UNC13C: variants seen among roughly 807,000 people sequenced by gnomAD.
The protein encoded by UNC13C is unc-13 homolog C.
In UNC13C, 174 loss-of-function variants were observed where a neutral mutation model predicts 245.4. The observed-to-expected ratio is 0.71, with a 90% confidence interval of 0.63 to 0.80. The LOEUF (loss-of-function observed/expected upper bound fraction) is 0.80, where lower values mean the gene tolerates loss of function less well. UNC13C is among the 30% of genes least tolerant of loss of function. The probability of loss-of-function intolerance (pLI) is 0.00; values close to 1 mark genes in which losing one functional copy is unlikely to be tolerated. For synonymous variants in UNC13C, 992 were observed against 895.1 expected (o/e 1.11, Z -1.93); for missense variants, 2,829 against 2,602.9 (o/e 1.09, Z -1.89).
chr15:54,429,845 A>C (rs2140973071), intron 19 of UNC13C, among the ~76,000 whole-genome samples: 1 of 151,852 alleles, frequency 6.6e-6, no homozygotes, highest in Non-Finnish European at 1.5e-5. Flanking sequence ...AAGTAACAGA[A>C]AGTAAAAAGT....
chr15:54,379,180 C>A (rs776458464), intron 17 of UNC13C, among the ~76,000 whole-genome samples: 2 of 151,886 alleles, frequency 1.3e-5, no homozygotes, highest in African/African-American at 2.4e-5. Context: ...CTAGTAATCC[C>A]TTAGTAACTA....
chr15:54,525,757 A>G (rs1895422865), intron 25 of UNC13C, 120 bp downstream of exon 25: 6 of 798,334 alleles, frequency 7.5e-6, no homozygotes, highest in Admixed American at 2.4e-5. Context: ...GACCCAATCT[A>G]AATGTCATTT....
At chr15:54,620,618 A>C (rs1247824526) in intron 30 of UNC13C, among the ~76,000 whole-genome samples, 1 of 151,876 alleles carries the variant, frequency 6.6e-6, no homozygotes, top group Non-Finnish European at 1.5e-5. Flanking sequence ...GCTCACACCC[A>C]TAATTCCAGC....
chr15:54,056,511 A>G (rs1897532281), intron 2 of UNC13C, among the ~76,000 whole-genome samples: 1 of 152,238 alleles, frequency 6.6e-6, no homozygotes, highest in Non-Finnish European at 1.5e-5. Context: ...GATGGGGAGA[A>G]TGGAACCAAG....
chr15:53,887,451 T>C, the UNC13C span, among the ~76,000 whole-genome samples: 3 of 152,210 alleles, frequency 2.0e-5, no homozygotes, highest in Non-Finnish European at 4.4e-5. Flanking sequence ...CATTTTTTAC[T>C]GCTTATCCTC....
intron 8 of UNC13C, among the ~76,000 whole-genome samples, chr15:54,262,276 T>C (rs2036445471): frequency 6.6e-6 from 1 of 152,216 alleles, no homozygotes; most frequent in Non-Finnish European, 1.5e-5. Flanking sequence ...AGAGCATTAA[T>C]AGCAAAAATA....
intron 2 of UNC13C, among the ~76,000 whole-genome samples, chr15:54,053,802 C>G (rs1897376663): frequency 6.6e-6 from 1 of 152,122 alleles, no homozygotes; most frequent in African/African-American, 2.4e-5. Context: ...ACTACCCTTC[C>G]TAGCTTCTGG....
intron 18 of UNC13C, among the ~76,000 whole-genome samples, chr15:54,398,306 T>C (rs1004194981): frequency 6.6e-6 from 1 of 151,448 alleles, no homozygotes; most frequent in African/African-American, 2.4e-5. Context: ...AATCTCCACA[T>C]GGTCTTGATG....
At chr15:54,338,268 G>T (rs1310922717) in intron 16 of UNC13C, 93 bp from the exon 17 acceptor site, 1 of 1,366,900 alleles carries the variant, frequency 7.3e-7, no homozygotes, top group African/African-American at 1.4e-5. Flanking sequence ...AAAATCGACT[G>T]AAAGTATTTA....
intron 13 of UNC13C, among the ~76,000 whole-genome samples, chr15:54,314,301 T>C (rs777085839): frequency 1.3e-5 from 2 of 151,794 alleles, no homozygotes; most frequent in Non-Finnish European, 2.9e-5. Flanking sequence ...ATTTTATGTT[T>C]TCTCACCACA....
At chr15:54,474,289 T>C (rs1892610825) in intron 19 of UNC13C, among the ~76,000 whole-genome samples, 1 of 152,026 alleles carries the variant, frequency 6.6e-6, no homozygotes, top group Non-Finnish European at 1.5e-5. Context: ...TTTACATTCC[T>C]ACCAAGAGTG....
chr15:54,497,798 C>CA (rs1333303179), intron 20 of UNC13C, among the ~76,000 whole-genome samples: 4 of 151,934 alleles, frequency 2.6e-5, no homozygotes, highest in Non-Finnish European at 4.4e-5. Context: ...ACATTGTGTA[C>CA]AAAAAATAAG....
chr15:54,378,782 T>C (rs1327227077), intron 17 of UNC13C, among the ~76,000 whole-genome samples: 1 of 151,982 alleles, frequency 6.6e-6, no homozygotes, highest in Non-Finnish European at 1.5e-5. Context: ...TGTTAAATAA[T>C]TTATATATTT....
chr15:54,011,910 G>A (rs891764884), intron 1 of UNC13C, among the ~76,000 whole-genome samples: 1 of 152,150 alleles, frequency 6.6e-6, no homozygotes, highest in Non-Finnish European at 1.5e-5. Flanking sequence ...TTTATGATGT[G>A]TTCTTTAATG....
chr15:54,297,752 C>T (rs1393920776), intron 11 of UNC13C, 59 bp from the exon 12 acceptor site: 11 of 1,247,760 alleles, frequency 8.8e-6, no homozygotes, highest in South Asian at 5.4e-5. Flanking sequence ...TTTGAGAGGT[C>T]GTATGAGAAA....
chr15:54,340,028 C>T (rs558916847), intron 17 of UNC13C, among the ~76,000 whole-genome samples: 2 of 152,272 alleles, frequency 1.3e-5, no homozygotes, highest in Middle Eastern at 3.4e-3. Context: ...ATTTGTATTT[C>T]CCTGATCATT....
chr15:54,622,546 C>G (rs1474564512), intron 31 of UNC13C, 127 bp downstream of exon 31: 1 of 632,598 alleles, frequency 1.6e-6, no homozygotes, highest in Admixed American at 2.9e-5. Context: ...CACAAAATTT[C>G]CTAATGAAAC....
At chr15:54,280,846 A>G (rs958743490) in intron 10 of UNC13C, among the ~76,000 whole-genome samples, 9 of 151,438 alleles carry the variant, frequency 5.9e-5, no homozygotes, top group African/African-American at 2.2e-4. Context: ...CGCCCAGGCT[A>G]GAGCACAATG....
chr15:54,548,310 C>T (rs1162627474), intron 27 of UNC13C, among the ~76,000 whole-genome samples: 2 of 149,116 alleles, frequency 1.3e-5, no homozygotes, highest in Non-Finnish European at 3.0e-5. Flanking sequence ...CAAGCTCCAC[C>T]TCCCAGGTTC....
Sources: gnomAD v4.1 joint callset for allele counts (sites outside exome capture counted in the v4.1 genomes callset) on GRCh38, gnomAD v4.1.1 for gene constraint, MANE v1.5 for transcripts, NCBI Gene and HGNC (gene_info 2026-07-23, HGNC 2026-07-21) for gene names.